Variants in SH2D3C observed in about 807,000 individuals in gnomAD.
The protein encoded by SH2D3C is SH2 domain-containing protein 3C.
In SH2D3C, 25 loss-of-function variants were observed where a neutral mutation model predicts 75.2. That is an observed-to-expected ratio of 0.33 (90% confidence interval 0.24 to 0.46). The LOEUF (loss-of-function observed/expected upper bound fraction) is 0.46. SH2D3C is among the 20% of genes least tolerant of loss of function. The pLI is 1.00. For missense variants in SH2D3C, 933 were observed against 1,165.3 expected (o/e 0.80, Z 2.90); for synonymous variants, 450 against 473.7 (o/e 0.95, Z 0.65).
chr9:127,767,644 G>A (rs1254593049), intron 2 of SH2D3C, among the ~76,000 whole-genome samples: 2 of 152,216 alleles, frequency 1.3e-5, no homozygotes, highest in Admixed American at 6.5e-5. Flanking sequence ...GTGTGGCTCT[G>A]GGCAAGTCCC....
chr9:127,764,867 C>T (rs1054385795), intron 2 of SH2D3C, among the ~76,000 whole-genome samples: 72 of 152,180 alleles, frequency 4.7e-4, no homozygotes, highest in African/African-American at 1.6e-3. Flanking sequence ...ACCACCACGC[C>T]GGGCTAATTT....
Position 127,744,998 on chromosome 9 carries a change from C to T in SH2D3C, c.1366G>A (p.Ala456Thr). The change falls in exon 7 of 12, where the codon GCC becomes ACC. Residue 456 changes from alanine (A) to threonine (T), a missense_variant. Coordinates refer to ENST00000314830, the MANE Select transcript of SH2D3C (RefSeq NM_170600.3). The stretch of plus-strand genomic sequence containing the variant: ...TCTGACTCCCCATGGGTCTTTGGGG[C>T]ACTTCCGGGACACAGCTGGGGCTCA... ...SSEPQLCPGS[A>T]PKTHGESDKG... 6.6e-7 allele frequency: 1 copy of T among 1,524,982 alleles called. No individual in the cohort carries two copies. The highest frequency in any genetic ancestry group is 2.3e-5 in the East Asian group (1 of 44,102). The allele number at this position is 1,524,982 out of a possible 1,614,324, so 94.5% of individuals were successfully genotyped here. A position where few individuals can be genotyped will look rare whatever the true frequency, so the allele number is the denominator to read the frequency against.
intron 2 of SH2D3C, among the ~76,000 whole-genome samples, chr9:127,771,650 C>T (rs1845742157): frequency 6.6e-6 from 1 of 152,260 alleles, no homozygotes; most frequent in Non-Finnish European, 1.5e-5. Context: ...GCCCCGCTCC[C>T]GCGAAACTCG....
rs1845163925 is a variant in SH2D3C at position 127,750,316 on chromosome 9, G to A, written c.685-651C>T. On this transcript the variant is annotated intron_variant, in intron 4 of 11. Transcript: ENST00000314830. ...ATTACAGGTGCATGCCACCATGCCT[G>A]GCTAATTTTCGTATTTTTAGTAGAG... Among the ~76,000 whole-genome samples, 3 of 152,040 alleles carry A rather than the reference G, an allele frequency of 2.0e-5. No individual in the cohort carries two copies. The South Asian group carries it at 6.2e-4, about 32-fold the overall frequency.
In SH2D3C at chr9:127,774,035, C is replaced by G; in HGVS notation, c.470G>C (p.Gly157Ala). 1 of 1,614,194 alleles carries G rather than the reference C, an allele frequency of 6.2e-7. No individual in the cohort carries two copies. Among genetic ancestry groups the G allele is most frequent in the Non-Finnish European group, 8.5e-7 (1 of 1,180,018 alleles). ...GGGAGGTCTCTCCTCTTCTACGTCT[C>G]CTGTGGGGACCTCAGGCTTTCTGAT... ...DPIRKPEVPT[G>A]DVEEERPPRD... The change falls in exon 2 of 12, where the codon GGA becomes GCA. Residue 157 changes from glycine (G) to alanine (A), a missense_variant. Transcript: ENST00000314830. The surrounding 1 kb of genome is among the most constrained non-coding windows in gnomAD (Gnocchi z 4.3).
intron 2 of SH2D3C, among the ~76,000 whole-genome samples, chr9:127,770,194 A>T (rs576951921): frequency 6.6e-6 from 1 of 152,070 alleles, no homozygotes; most frequent in African/African-American, 2.4e-5. Flanking sequence ...CTTCCTCTTC[A>T]TCCCCATGAT....
At chr9:127,755,400 C>T (rs1245351436) in intron 3 of SH2D3C, 2 of 308,294 alleles carry the variant, frequency 6.5e-6, no homozygotes, top group Non-Finnish European at 1.1e-5. Flanking sequence ...CAGCCCCTCG[C>T]CCCCCGCCCT....
chr9:127,753,533 C>A (rs118077021), intron 3 of SH2D3C, among the ~76,000 whole-genome samples: 1 of 152,118 alleles, frequency 6.6e-6, no homozygotes, highest in African/African-American at 2.4e-5. Context: ...CATCCTCCGG[C>A]CGTGGTAGAA....
Sources: gnomAD v4.1 joint callset for allele counts (sites outside exome capture counted in the v4.1 genomes callset) on GRCh38, gnomAD v4.1.1 for gene constraint, Gnocchi (gnomAD v3.1) non-coding constraint, MANE v1.5 for transcripts, NCBI Gene and HGNC (gene_info 2026-07-23, HGNC 2026-07-21) for gene names.